ANAPC10: variants seen among roughly 807,000 people sequenced by gnomAD.
The protein encoded by ANAPC10 is anaphase promoting complex subunit 10, also known as anaphase-promoting complex subunit 10.
ANAPC10 carries 12 observed loss-of-function variants against 22.0 expected under a neutral mutation model. That is an observed-to-expected ratio of 0.55 (90% CI 0.35 to 0.88). ANAPC10 has a LOEUF of 0.88. ANAPC10 is among the 40% of genes least tolerant of loss of function. The pLI is 0.01. For missense variants in ANAPC10, 188 were observed against 220.9 expected, an observed-to-expected ratio of 0.85 and a Z score of 0.94; for synonymous variants, 65 against 69.5, an observed-to-expected ratio of 0.94 and a Z score of 0.32.
At chr4:145,018,362 C>T (rs919798729) in intron 4 of ANAPC10, among the ~76,000 whole-genome samples, 2 of 151,818 alleles carry the variant, frequency 1.3e-5, no homozygotes, top group African/African-American at 2.4e-5. Context: ...GGCCGGGCAC[C>T]GCGGCTCACA....
chr4:144,996,729 G>C (rs991097481), intron 4 of ANAPC10, among the ~76,000 whole-genome samples: 2 of 152,152 alleles, frequency 1.3e-5, no homozygotes, highest in Non-Finnish European at 2.9e-5. Context: ...GCTGGACGGA[G>C]AATGACTTTG....
At position 145,064,387 on chromosome 4, in the gene ANAPC10, G is replaced by A. The variant is rs1261657097; in HGVS notation, c.327+185C>T. 3.0e-5 allele frequency: 12 copies of A among 404,956 alleles called. No individual in the cohort carries two copies. The Admixed American group carries it at 5.3e-4, about 18-fold the overall frequency. 25.1% of individuals were successfully genotyped at this position (404,956 alleles called of 1,614,324 possible). On this transcript the variant is annotated intron_variant, in intron 4 of 4. Coordinates refer to ENST00000507656, the MANE Select transcript of ANAPC10 (RefSeq NM_001256706.2). Reference sequence around the variant, plus strand: ...CTGAAAATTTCAATAATAAAATATTGTGGAAAAAATAAAGAGAACAATCAG... The same window carrying A: ...CTGAAAATTTCAATAATAAAATATTATGGAAAAAATAAAGAGAACAATCAG...
intron 4 of ANAPC10, among the ~76,000 whole-genome samples, chr4:145,038,499 T>G (rs1167854122): frequency 6.6e-6 from 1 of 151,004 alleles, no homozygotes; most frequent in African/African-American, 2.4e-5. Flanking sequence ...GATGACAGAG[T>G]GAGACTCCGT....
intron 4 of ANAPC10, among the ~76,000 whole-genome samples, chr4:145,016,345 A>C (rs1735134704): frequency 6.6e-6 from 1 of 152,202 alleles, no homozygotes; most frequent in South Asian, 2.1e-4. Flanking sequence ...CAGAGAGCCA[A>C]ATCATGAGTG....
chr4:145,022,223 A>T (rs1447322152), intron 4 of ANAPC10, among the ~76,000 whole-genome samples: 1 of 152,134 alleles, frequency 6.6e-6, no homozygotes, highest in Non-Finnish European at 1.5e-5. Context: ...ATAGCAGCAC[A>T]ATTCACAATT....
intron 3 of ANAPC10, among the ~76,000 whole-genome samples, chr4:145,075,748 A>T (rs1455457329): frequency 6.6e-6 from 1 of 152,170 alleles, no homozygotes; most frequent in African/African-American, 2.4e-5. Flanking sequence ...CCCCCCAGGC[A>T]TCTGAACCAG....
At chr4:145,058,629 A>C (rs1403700649) in intron 4 of ANAPC10, among the ~76,000 whole-genome samples, 2 of 152,212 alleles carry the variant, frequency 1.3e-5, no homozygotes, top group Non-Finnish European at 2.9e-5. Context: ...ATGAAATGCC[A>C]GACTACATCT....
intron 4 of ANAPC10, among the ~76,000 whole-genome samples, chr4:145,060,918 C>A (rs922082545): frequency 1.3e-5 from 2 of 151,970 alleles, no homozygotes; most frequent in African/African-American, 4.8e-5. Flanking sequence ...AAAAGGTAAA[C>A]AGTATAAATC....
intron 4 of ANAPC10, among the ~76,000 whole-genome samples, chr4:145,012,625 TC>T (rs1286143660): frequency 6.6e-6 from 1 of 152,010 alleles, no homozygotes; most frequent in Admixed American, 6.6e-5. Context: ...AGTAGAAAAA[TC>T]TGAATAGAAT....
intron 4 of ANAPC10, among the ~76,000 whole-genome samples, chr4:145,001,739 C>T (rs185791138): frequency 1.2e-4 from 19 of 152,180 alleles, no homozygotes; most frequent in African/African-American, 4.1e-4. Context: ...TAAACAGGAT[C>T]CATTAGAGTT....
intron 4 of ANAPC10, among the ~76,000 whole-genome samples, chr4:144,999,854 G>C (rs1210635171): frequency 3.3e-5 from 5 of 152,096 alleles, no homozygotes; most frequent in African/African-American, 1.2e-4. Context: ...CCAAAACAGA[G>C]ATATAGACCA....
intron 3 of ANAPC10, among the ~76,000 whole-genome samples, chr4:145,080,742 T>C (rs940044286): frequency 6.6e-6 from 1 of 151,754 alleles, no homozygotes; most frequent in Non-Finnish European, 1.5e-5. Flanking sequence ...ACCCCATCTC[T>C]ACTAAAAATA....
In ANAPC10 at chr4:144,995,297, A is replaced by G; in HGVS notation, c.*76T>C. 2.3e-6 allele frequency: 2 copies of G among 887,196 alleles called. No homozygotes were observed. The highest frequency in any genetic ancestry group is 2.6e-5 in the East Asian group (1 of 39,118). The allele number at this position is 887,196 out of a possible 1,614,324, so 55.0% of individuals were successfully genotyped here. ...TTAGATATAACGGATGCCTTGTTCA[A>G]TAAAGGTACATGATATATTATTTAA... On this transcript the variant is annotated 3_prime_UTR_variant, in exon 5 of 5. Transcript: ENST00000507656.
At chr4:145,054,628 TGTGTGTGTGTGTGCGC>T (rs1022168246) in intron 4 of ANAPC10, among the ~76,000 whole-genome samples, 11 of 127,690 alleles carry the variant, frequency 8.6e-5, no homozygotes, top group African/African-American at 3.2e-4. Context: ...TGTGTGTGTG[TGTGTGTGTGTGTGCGC>T]GCGCGCGCGC....
chr4:145,016,881 T>C (rs1194267367), intron 4 of ANAPC10, among the ~76,000 whole-genome samples: 2 of 152,222 alleles, frequency 1.3e-5, no homozygotes, highest in South Asian at 4.1e-4. Context: ...AAGGATTCCC[T>C]ATTTAATAAA....
intron 3 of ANAPC10, among the ~76,000 whole-genome samples, chr4:145,065,417 G>A (rs980433802): frequency 6.6e-6 from 1 of 152,006 alleles, no homozygotes; most frequent in Non-Finnish European, 1.5e-5. Context: ...TTAAACAACT[G>A]ATAGTACTCA....
intron 4 of ANAPC10, among the ~76,000 whole-genome samples, chr4:145,040,509 C>G (rs1739353698): frequency 6.6e-6 from 1 of 152,204 alleles, no homozygotes; most frequent in East Asian, 1.9e-4. Flanking sequence ...CTCCTTTCAG[C>G]TACCATTCAC....
chr4:145,013,928 C>T (rs995402838), intron 4 of ANAPC10, among the ~76,000 whole-genome samples: 12 of 152,164 alleles, frequency 7.9e-5, no homozygotes, highest in African/African-American at 2.7e-4. Context: ...GGAAAAGGCC[C>T]TGGGAGCTTG....
chr4:145,041,113 A>G (rs900153667), intron 4 of ANAPC10, among the ~76,000 whole-genome samples: 3 of 152,208 alleles, frequency 2.0e-5, no homozygotes, highest in African/African-American at 7.2e-5. Flanking sequence ...CATAATTCAT[A>G]TATAACAGAT....
Sources: allele counts gnomAD v4.1 joint callset (sites outside exome capture counted in the v4.1 genomes callset), GRCh38; gene constraint gnomAD v4.1.1; transcripts MANE v1.5; gene names NCBI Gene and HGNC (gene_info 2026-07-23, HGNC 2026-07-21).